LRRC36: variants seen among roughly 807,000 people sequenced by gnomAD.
The protein encoded by LRRC36 is leucine rich repeat containing 36, also known as leucine-rich repeat-containing protein 36.
Under a neutral mutation model 81.1 loss-of-function variants are expected in LRRC36, and 62 were observed. That is an observed-to-expected ratio of 0.76 (90% CI 0.62 to 0.94). The LOEUF is 0.94. Among genes scored for constraint, LRRC36 ranks in the 40% least tolerant of loss-of-function variants. The pLI is 0.00. For synonymous variants in LRRC36, 334 were observed against 348.6 expected, an observed-to-expected ratio of 0.96 and a Z score of 0.47; for missense variants, 761 against 881.7, an observed-to-expected ratio of 0.86 and a Z score of 1.73.
chr16:67,334,438 C>T (rs1332772399), intron 1 of LRRC36, among the ~76,000 whole-genome samples: 2 of 152,184 alleles, frequency 1.3e-5, no homozygotes, highest in African/African-American at 4.8e-5. Context: ...GATTCTCATG[C>T]CTCAGCCTCC....
intron 1 of LRRC36, among the ~76,000 whole-genome samples, chr16:67,329,239 T>TA (rs35027144): frequency 6.6e-6 from 1 of 151,946 alleles, no homozygotes; most frequent in Non-Finnish European, 1.5e-5. Flanking sequence ...AAGATTACTT[T>TA]AAAAAAAAGT....
At chr16:67,347,309 T>G in intron 3 of LRRC36, 186 bp from the exon 4 acceptor site, 1 of 1,140,160 alleles carries the variant, frequency 8.8e-7, no homozygotes, top group Non-Finnish European at 1.2e-6. Context: ...TATGGCTTCC[T>G]GCAGTCTCCC....
rs570965709 is a variant in LRRC36, at chr16:67,341,677, G to A, written c.71-280G>A. ...CCATAGGGCTAAATCCTAGCAGTGG[G>A]GTTGCTGAATATCTTTTGAAATTTT... On this transcript the variant is annotated intron_variant, in intron 1 of 13. Transcript: ENST00000329956. Among the ~76,000 whole-genome samples the A allele has an allele frequency of 1.4e-3, 210 of 152,048 alleles. 1 individual carries two copies. The highest frequency in any genetic ancestry group is 3.2e-3 in the Admixed American group (49 of 15,218).
Position 67,371,232 on chromosome 16 carries a change from C to G in LRRC36, c.1484C>G (p.Thr495Arg). ...LNLKHGFQDATGSEPLSSDLG... is the reference protein window; with the variant it reads ...LNLKHGFQDARGSEPLSSDLG... The stretch of plus-strand genomic sequence containing the variant: ...CTAAAGCATGGTTTCCAAGATGCTA[C>G]AGGCAGCGAGGCAAGTGTTGGCTTG... The change falls in exon 9 of 14, where the codon ACA becomes AGA. Residue 495 changes from threonine to arginine, a missense_variant. By Grantham distance (71) the Thr-to-Arg change is moderately conservative (BLOSUM62 -1). Transcript: ENST00000329956. 6.2e-7 allele frequency: 1 copy of G among 1,614,162 alleles called. No homozygotes were observed. Among genetic ancestry groups the G allele is most frequent in the African/African-American group, 1.3e-5 (1 of 75,042 alleles).
At position 67,346,288 on chromosome 16, in the gene LRRC36, G is replaced by C. The variant is rs1244621864; in HGVS notation, c.231G>C (p.Leu77=). 1 of 1,608,670 alleles carries C rather than the reference G, an allele frequency of 6.2e-7. No homozygotes were observed. Residue 77 remains leucine, a synonymous_variant, in exon 3 of 14, where the codon CTG becomes CTC. Coordinates refer to ENST00000329956, the MANE Select transcript of LRRC36 (RefSeq NM_018296.6). ...AGTATTTATGTTCACTCCAAGACCT[G>C]AATTTATATTATAACAACATTCCTT... is the stretch of plus-strand genomic sequence containing the variant. ...GIQYLCSLQD[L]NLYYNNIPSL... is the part of the protein sequence containing the mutation.
At chr16:67,343,872 A>C (rs1172875804) in intron 2 of LRRC36, among the ~76,000 whole-genome samples, 2 of 151,544 alleles carry the variant, frequency 1.3e-5, no homozygotes, top group Non-Finnish European at 2.9e-5. Context: ...GTTGGAGTGC[A>C]GTAGTGTGAT....
chr16:67,355,791 T>C (rs1212718331), intron 5 of LRRC36, among the ~76,000 whole-genome samples: 1 of 152,200 alleles, frequency 6.6e-6, no homozygotes, highest in Non-Finnish European at 1.5e-5. Context: ...GCTGGTGACA[T>C]GCTACAGAAG....
chr16:67,375,649 A>G (rs374089786), intron 10 of LRRC36, among the ~76,000 whole-genome samples: 1 of 152,288 alleles, frequency 6.6e-6, no homozygotes. Context: ...TTCCTCCTGT[A>G]AATATTTGCT....
chr16:67,336,824 G>A (rs1462937858), intron 1 of LRRC36: 4 of 151,776 alleles, frequency 2.6e-5, no homozygotes, highest in Non-Finnish European at 5.9e-5. Context: ...TTGGAGTGCA[G>A]TGGTGCCATC....
intron 11 of LRRC36, among the ~76,000 whole-genome samples, chr16:67,377,929 G>A (rs573099472): frequency 1.3e-5 from 2 of 152,144 alleles, no homozygotes; most frequent in East Asian, 1.9e-4. Flanking sequence ...CACTGCACCC[G>A]GCCTCAGCCG....
intron 4 of LRRC36, 146 bp from the exon 5 acceptor site, chr16:67,350,056 C>T (rs1042158469): frequency 4.1e-5 from 22 of 532,348 alleles, no homozygotes; most frequent in African/African-American, 5.9e-5. Flanking sequence ...CCACTGTGCC[C>T]GGCTGAAACA....
chr16:67,339,616 C>G (rs148618094), intron 1 of LRRC36, among the ~76,000 whole-genome samples: 717 of 152,238 alleles, frequency 4.7e-3, no homozygotes, highest in Middle Eastern at 0.01. Context: ...GCCAGAATAG[C>G]TTTTTTAGTT....
intron 4 of LRRC36, chr16:67,348,518 G>A (rs1300314830): frequency 6.6e-6 from 1 of 151,634 alleles, no homozygotes; most frequent in Non-Finnish European, 1.5e-5. Flanking sequence ...GGAGTGCAGT[G>A]GTGCGATCTT....
rs2038421658 is a variant in LRRC36 at position 67,347,743 on chromosome 16, A to C, written c.488+152A>C. The C allele has an allele frequency of 4.5e-5, 26 of 582,560 alleles. 1 individual carries two copies. The South Asian group carries it at 5.0e-4, about 11-fold the overall frequency. The allele number at this position is 582,560 out of a possible 1,614,324, so 36.1% of individuals were successfully genotyped here. ...ATAAAAGTATTTATTCTGCAAACTG[A>C]GATTTATCTGGGATGATAATCTGGC... is the stretch of plus-strand genomic sequence containing the variant. On this transcript the variant is annotated intron_variant, in intron 4 of 13. Coordinates refer to ENST00000329956, the MANE Select transcript of LRRC36 (RefSeq NM_018296.6).
At chr16:67,331,855 G>C (rs1222349888) in intron 1 of LRRC36, among the ~76,000 whole-genome samples, 1 of 152,008 alleles carries the variant, frequency 6.6e-6, no homozygotes, top group Non-Finnish European at 1.5e-5. Context: ...GGGCGGGGTG[G>C]CACATGCCTG....
intron 13 of LRRC36, 79 bp downstream of exon 13, chr16:67,382,326 A>G: frequency 1.0e-6 from 1 of 1,003,408 alleles, no homozygotes; most frequent in Middle Eastern, 2.3e-4. Context: ...TTGGAAAGTT[A>G]ATATCTATGC....
intron 1 of LRRC36, among the ~76,000 whole-genome samples, chr16:67,329,914 T>A (rs916138605): frequency 2.6e-5 from 4 of 152,124 alleles, no homozygotes; most frequent in African/African-American, 9.7e-5. Flanking sequence ...CAAGTCTCCA[T>A]CTAAAAAATA....
At chr16:67,360,565 A>G (rs2039097652) in intron 5 of LRRC36, among the ~76,000 whole-genome samples, 1 of 152,238 alleles carries the variant, frequency 6.6e-6, no homozygotes, top group Admixed American at 6.5e-5. Flanking sequence ...CTTCTGTAGT[A>G]CTACTGCAGT....
intron 9 of LRRC36, among the ~76,000 whole-genome samples, chr16:67,373,772 C>T (rs1360190292): frequency 2.8e-5 from 4 of 143,182 alleles, no homozygotes; most frequent in South Asian, 2.2e-4. Context: ...CAGCACTTTG[C>T]GAGGCCAAGG....
Sources: gnomAD v4.1 joint callset for allele counts (sites outside exome capture counted in the v4.1 genomes callset) on GRCh38, gnomAD v4.1.1 for gene constraint, MANE v1.5 for transcripts, NCBI Gene and HGNC (gene_info 2026-07-23, HGNC 2026-07-21) for gene names.